The following PPP2R2D variants were observed in gnomAD, a reference collection of about 807,000 sequenced individuals.
PPP2R2D encodes protein phosphatase 2 regulatory subunit Bdelta, also known as serine/threonine-protein phosphatase 2A 55 kDa regulatory subunit B delta isoform.
A neutral mutation model predicts 31.1 loss-of-function variants in PPP2R2D; 9 were observed. That is an observed-to-expected ratio of 0.29 (90% CI 0.17 to 0.51). PPP2R2D has a LOEUF of 0.51. PPP2R2D is among the 20% of genes least tolerant of loss of function. The pLI is 0.98. For missense variants in PPP2R2D, 391 were observed against 465.6 expected (o/e 0.84, Z 1.48); for synonymous variants, 179 against 172.6 (o/e 1.04, Z -0.29).
In PPP2R2D at chr10:131,945,924, G is replaced by A. The variant is rs74162813; in HGVS notation, c.820+465G>A. 2.3e-3 allele frequency: 357 copies of A among 156,486 alleles called. No individual in the cohort carries two copies. The highest frequency in any genetic ancestry group is 8.2e-3 in the African/African-American group (340 of 41,596). 9.7% of individuals were successfully genotyped at this position (156,486 alleles called of 1,614,324 possible). ...AGGCTGCTGCTAATAAGTGGAACTCGAGGTCATGCTTCCCACAGGCTTATG... is the reference window on the plus strand; with the variant it reads ...AGGCTGCTGCTAATAAGTGGAACTCAAGGTCATGCTTCCCACAGGCTTATG... On this transcript the variant is annotated intron_variant, in intron 7 of 8. Coordinates refer to ENST00000455566, the MANE Select transcript of PPP2R2D (RefSeq NM_018461.5). This position sits in a 1 kb window ranked among gnomAD's most constrained non-coding sequence, Gnocchi z 4.8.
chr10:131,968,647 C>G, the PPP2R2D span: 3 of 1,350,836 alleles, frequency 2.2e-6, no homozygotes, highest in African/African-American at 4.3e-5. Flanking sequence ...CAGGGTAGCT[C>G]ACTGTGGTTA....
At chr10:131,928,858 C>T (rs913981999) in intron 2 of PPP2R2D, among the ~76,000 whole-genome samples, 4 of 152,180 alleles carry the variant, frequency 2.6e-5, no homozygotes, top group Admixed American at 6.6e-5. Flanking sequence ...ACGGGTCAGA[C>T]GGGTCAGGAG....
At chr10:131,905,999 G>A (rs2035575687) in intron 2 of PPP2R2D, among the ~76,000 whole-genome samples, 1 of 152,204 alleles carries the variant, frequency 6.6e-6, no homozygotes, top group Non-Finnish European at 1.5e-5. Context: ...TTAGTAACAA[G>A]GATTCAAGAA....
intron 2 of PPP2R2D, among the ~76,000 whole-genome samples, chr10:131,908,311 C>A (rs1341183498): frequency 1.3e-5 from 2 of 152,140 alleles, no homozygotes; most frequent in Non-Finnish European, 1.5e-5. Context: ...ATTTTGCTTC[C>A]TGTCCATTCC....
At chr10:131,918,328 CAG>C (rs1348233783) in intron 2 of PPP2R2D, among the ~76,000 whole-genome samples, 7 of 141,826 alleles carry the variant, frequency 4.9e-5, no homozygotes, top group South Asian at 2.3e-4. Flanking sequence ...TGGAATGACA[CAG>C]TGTTTGTAGG....
rs534961234 is a variant in PPP2R2D at position 131,920,345 on chromosome 10, G to C, written c.101-14113G>C. On this transcript the variant is annotated intron_variant, in intron 2 of 8. Coordinates refer to ENST00000455566, the MANE Select transcript of PPP2R2D (RefSeq NM_018461.5). Reference sequence around the variant, plus strand: ...CGCGGGTGGAGTGACACAGTGTAGGGACCTCAGGCAGGTGGAATGACACAG... The same window carrying C: ...CGCGGGTGGAGTGACACAGTGTAGGCACCTCAGGCAGGTGGAATGACACAG... Among the ~76,000 whole-genome samples, 4 of 142,458 alleles carry C rather than the reference G, an allele frequency of 2.8e-5. No homozygotes were observed. In the South Asian group the frequency reaches 9.3e-4, roughly 33 times the overall value. 93.5% of individuals were successfully genotyped at this position (142,458 alleles called of 152,430 possible).
intron 3 of PPP2R2D, chr10:131,934,881 T>G (rs1554896234): frequency 2.1e-6 from 1 of 465,184 alleles, no homozygotes; most frequent in Admixed American, 2.3e-5. Context: ...AATCCCTTTA[T>G]ACGCCTATGC....
chr10:131,941,484 G>A (rs782323708), intron 5 of PPP2R2D, among the ~76,000 whole-genome samples: 53 of 152,092 alleles, frequency 3.5e-4, no homozygotes, highest in Non-Finnish European at 8.8e-5. Flanking sequence ...ACTCTGCCTG[G>A]TCCCAAGGGG....
At chr10:131,970,607 A>C in the PPP2R2D span, 1 of 1,609,136 alleles carries the variant, frequency 6.2e-7, no homozygotes, top group South Asian at 1.1e-5. The surrounding 1 kb of genome is among the most constrained non-coding windows in gnomAD (Gnocchi z 4.1). Flanking sequence ...ACGACATGCC[A>C]TGACAGGAGT....
At chr10:131,921,868 A>G (rs1554894311) in intron 2 of PPP2R2D, among the ~76,000 whole-genome samples, 1 of 152,232 alleles carries the variant, frequency 6.6e-6, no homozygotes, top group Non-Finnish European at 1.5e-5. Context: ...AAGAACTTCT[A>G]AGCATGAAAT....
chr10:131,935,479 C>CT (rs1347059017), intron 3 of PPP2R2D, among the ~76,000 whole-genome samples: 8 of 151,958 alleles, frequency 5.3e-5, no homozygotes, highest in Non-Finnish European at 8.8e-5. Context: ...ACAGGAAGTG[C>CT]TGGCCCTGCC....
rs569046843 is a variant in PPP2R2D, at chr10:131,939,935, AAAT to A, written c.199-94_199-92del. ...TGAGCCAGGATTTTTTAGCTTTAAA[AAAT>A]ATGTATGGTCATTTGATATTCAAAT... is the stretch of plus-strand genomic sequence containing the variant. On this transcript the variant is annotated intron_variant, in intron 3 of 8. Transcript: ENST00000455566. 6 of 439,734 alleles carry A rather than the reference AAAT, an allele frequency of 1.4e-5. No homozygotes were observed. In the South Asian group the frequency reaches 5.6e-4, roughly 41 times the overall value. The allele number at this position is 439,734 out of a possible 1,614,324, so 27.2% of individuals were successfully genotyped here. A position where few individuals can be genotyped will look rare whatever the true frequency, so the allele number is the denominator to read the frequency against.
chr10:131,958,388 C>G lies in PPP2R2D; in HGVS notation c.*2425C>G. 5.2e-6 allele frequency: 1 copy of G among 190,684 alleles called. No homozygotes were observed. Among genetic ancestry groups the G allele is most frequent in the Non-Finnish European group, 1.1e-5 (1 of 94,946 alleles). The allele number at this position is 190,684 out of a possible 1,614,324, so 11.8% of individuals were successfully genotyped here. On this transcript the variant is annotated 3_prime_UTR_variant, in exon 9 of 9. Transcript: ENST00000455566. ...TGGAGATGAAGGTGTGTGCTGATTC[C>G]TCATGCCCCTGTGGAGATGGAGGTG...
chr10:131,923,280 C>T (rs782428276), intron 2 of PPP2R2D, among the ~76,000 whole-genome samples: 2 of 152,330 alleles, frequency 1.3e-5, no homozygotes, highest in African/African-American at 4.8e-5. Context: ...AGCGTGATGC[C>T]GGTCAAGGCA....
chr10:131,922,197 G>A (rs762353182), intron 2 of PPP2R2D, among the ~76,000 whole-genome samples: 32 of 152,170 alleles, frequency 2.1e-4, no homozygotes, highest in Non-Finnish European at 4.3e-4. Flanking sequence ...CACAATAAAA[G>A]ATTGACCGTT....
Position 131,955,990 on chromosome 10 carries a change from G to C in PPP2R2D, c.*27G>C. 7.0e-7 allele frequency: 1 copy of C among 1,430,792 alleles called. No homozygotes were observed. Among genetic ancestry groups the C allele is most frequent in the Non-Finnish European group, 9.3e-7 (1 of 1,081,032 alleles). 88.6% of individuals were successfully genotyped at this position (1,430,792 alleles called of 1,614,324 possible). On this transcript the variant is annotated 3_prime_UTR_variant, in exon 9 of 9. Transcript: ENST00000455566. Reference sequence around the variant, plus strand: ...GACGCGAACGTGAGGACCAAGTCTTGTCTTGCATAGTTAAGCCGGACATTT... The same window carrying C: ...GACGCGAACGTGAGGACCAAGTCTTCTCTTGCATAGTTAAGCCGGACATTT...
At chr10:131,918,640 C>G (rs1189007626) in intron 2 of PPP2R2D, among the ~76,000 whole-genome samples, 13 of 146,264 alleles carry the variant, frequency 8.9e-5, no homozygotes, top group Non-Finnish European at 1.6e-4. Flanking sequence ...TGGAATGACA[C>G]AGTGTTTGTA....
At chr10:131,931,187 C>T (rs969194092) in intron 2 of PPP2R2D, among the ~76,000 whole-genome samples, 9 of 152,164 alleles carry the variant, frequency 5.9e-5, no homozygotes, top group African/African-American at 2.2e-4. Flanking sequence ...GGCCTGGCTA[C>T]GTTAGTACAG....
At chr10:131,918,358 A>G (rs1270810788) in intron 2 of PPP2R2D, among the ~76,000 whole-genome samples, 49 of 127,452 alleles carry the variant, frequency 3.8e-4, no homozygotes, top group South Asian at 5.5e-4. Context: ...GGCGGGTGGA[A>G]TGACACAGTG....
Sources: allele counts gnomAD v4.1 joint callset (sites outside exome capture counted in the v4.1 genomes callset), GRCh38; gene constraint gnomAD v4.1.1; non-coding constraint Gnocchi (gnomAD v3.1); transcripts MANE v1.5; gene names NCBI Gene and HGNC (gene_info 2026-07-23, HGNC 2026-07-21).